The following ZNF385D variants were observed in gnomAD, a reference collection of about 807,000 sequenced individuals.
ZNF385D encodes zinc finger protein 659.
ZNF385D carries 15 observed loss-of-function variants against 35.8 expected under a neutral mutation model. The observed-to-expected ratio is 0.42, with a 90% CI of 0.28 to 0.64. ZNF385D has a LOEUF of 0.64. ZNF385D is among the 30% of genes least tolerant of loss of function. The pLI is 0.23. For missense variants in ZNF385D, 474 were observed against 494.6 expected, an observed-to-expected ratio of 0.96 and a Z score of 0.39; for synonymous variants, 212 against 186.8, an observed-to-expected ratio of 1.13 and a Z score of -1.10.
intron 1 of ZNF385D, among the ~76,000 whole-genome samples, chr3:21,687,885 C>A (rs2067157532): frequency 1.3e-5 from 2 of 151,834 alleles, no homozygotes; most frequent in Non-Finnish European, 1.5e-5. Context: ...AAAAGTCTGA[C>A]AATGTAAACA....
chr3:22,284,041 A>G (rs1701900670), intron 2 of ZNF385D, among the ~76,000 whole-genome samples: 1 of 152,130 alleles, frequency 6.6e-6, no homozygotes, highest in South Asian at 2.1e-4. Flanking sequence ...GGACATAATT[A>G]CGAGACAACA....
chr3:21,984,318 A>C (rs1220827595), intron 3 of ZNF385D, among the ~76,000 whole-genome samples: 1 of 140,596 alleles, frequency 7.1e-6, no homozygotes, highest in African/African-American at 3.0e-5. Context: ...TTAAATCTTT[A>C]ATCCATCTTG....
At chr3:21,834,310 TC>T (rs1695190082) in intron 3 of ZNF385D, among the ~76,000 whole-genome samples, 2 of 152,032 alleles carry the variant, frequency 1.3e-5, no homozygotes, top group Admixed American at 1.3e-4. Context: ...CAAAACTCCA[TC>T]CCCCTAAGAA....
chr3:21,696,380 TCC>T (rs2067470604), intron 1 of ZNF385D, among the ~76,000 whole-genome samples: 1 of 152,200 alleles, frequency 6.6e-6, no homozygotes, highest in African/African-American at 2.4e-5. Flanking sequence ...CTGGCGATAA[TCC>T]CTGGTCCCTT....
At chr3:21,849,089 G>T (rs999467553) in intron 3 of ZNF385D, among the ~76,000 whole-genome samples, 8 of 152,134 alleles carry the variant, frequency 5.3e-5, no homozygotes, top group African/African-American at 1.9e-4. Context: ...CATCATATCT[G>T]TTGTTGCCTA....
At chr3:22,197,539 A>C (rs1263241323) in intron 2 of ZNF385D, among the ~76,000 whole-genome samples, 1 of 152,108 alleles carries the variant, frequency 6.6e-6, no homozygotes, top group Non-Finnish European at 1.5e-5. Flanking sequence ...ACTACTCCAG[A>C]AGACGTTTGC....
At chr3:22,201,497 G>C (rs934271110) in intron 2 of ZNF385D, among the ~76,000 whole-genome samples, 3 of 151,958 alleles carry the variant, frequency 2.0e-5, no homozygotes, top group Admixed American at 1.3e-4. Context: ...CTTGTTTAGA[G>C]AAATACATTT....
At chr3:21,744,568 C>T (rs1559576440) in intron 1 of ZNF385D, among the ~76,000 whole-genome samples, 1 of 152,092 alleles carries the variant, frequency 6.6e-6, no homozygotes, top group Non-Finnish European at 1.5e-5. Context: ...CAAGGGAATG[C>T]CAACATCTGG....
chr3:21,750,266 A>G (rs1441668246), intron 1 of ZNF385D, among the ~76,000 whole-genome samples: 1 of 152,158 alleles, frequency 6.6e-6, no homozygotes. Context: ...CTGAAAACCT[A>G]ACTGAGGTTT....
intron 3 of ZNF385D, among the ~76,000 whole-genome samples, chr3:21,835,391 T>C (rs951999151): frequency 1.3e-5 from 2 of 151,820 alleles, no homozygotes; most frequent in South Asian, 2.1e-4. Context: ...CTCCAGAAAA[T>C]TGTTATGAGA....
At chr3:21,774,555 A>G (rs1231090253) in intron 3 of ZNF385D, among the ~76,000 whole-genome samples, 3 of 151,916 alleles carry the variant, frequency 2.0e-5, no homozygotes, top group Non-Finnish European at 2.9e-5. Flanking sequence ...TCTCTATTCC[A>G]TGGAATCACA....
intron 3 of ZNF385D, among the ~76,000 whole-genome samples, chr3:21,825,924 T>G (rs1694585798): frequency 6.6e-6 from 1 of 152,062 alleles, no homozygotes; most frequent in South Asian, 2.1e-4. Context: ...TTAGATTGTT[T>G]TAGGAGCGCA....
At chr3:21,944,162 C>T (rs377088457) in intron 3 of ZNF385D, among the ~76,000 whole-genome samples, 11 of 152,288 alleles carry the variant, frequency 7.2e-5, no homozygotes, top group African/African-American at 2.6e-4. Context: ...CAGTCTTACA[C>T]ATTAACTTAC....
At chr3:21,511,152 C>A in intron 3 of ZNF385D, 129 bp from the exon 4 acceptor site, 1 of 1,084,338 alleles carries the variant, frequency 9.2e-7, no homozygotes, top group African/African-American at 1.6e-5. Context: ...CGTGGCCAGA[C>A]AGTGGGGTTC....
At chr3:21,990,430 T>C (rs1559826236) in intron 3 of ZNF385D, among the ~76,000 whole-genome samples, 1 of 152,224 alleles carries the variant, frequency 6.6e-6, no homozygotes, top group Non-Finnish European at 1.5e-5. Flanking sequence ...GAGCTCATAA[T>C]ATTGCCTGTG....
intron 3 of ZNF385D, among the ~76,000 whole-genome samples, chr3:22,064,680 C>T (rs1204875521): frequency 6.6e-6 from 1 of 152,086 alleles, no homozygotes; most frequent in Admixed American, 6.6e-5. Flanking sequence ...GTGAAATAAG[C>T]GAGACACAGA....
At chr3:21,508,047 T>A (rs1706915185) in intron 4 of ZNF385D, among the ~76,000 whole-genome samples, 1 of 152,110 alleles carries the variant, frequency 6.6e-6, no homozygotes, top group South Asian at 2.1e-4. Context: ...CTGATATAGG[T>A]CCTCATGGAT....
intron 3 of ZNF385D, among the ~76,000 whole-genome samples, chr3:22,012,308 A>C (rs1696626812): frequency 6.6e-6 from 1 of 152,174 alleles, no homozygotes; most frequent in East Asian, 1.9e-4. Context: ...TCAAGTATGG[A>C]GTCTACTAAC....
At chr3:22,327,506 C>T (rs1694733836) in intron 2 of ZNF385D, among the ~76,000 whole-genome samples, 1 of 152,160 alleles carries the variant, frequency 6.6e-6, no homozygotes, top group Admixed American at 6.5e-5. Flanking sequence ...ATACCCATCA[C>T]ATTGAAAAAT....
Sources: allele counts gnomAD v4.1 joint callset (sites outside exome capture counted in the v4.1 genomes callset), GRCh38; gene constraint gnomAD v4.1.1; transcripts MANE v1.5; gene names NCBI Gene and HGNC (gene_info 2026-07-23, HGNC 2026-07-21).